TMEM135: variants seen among roughly 807,000 people sequenced by gnomAD.
The protein encoded by TMEM135 is transmembrane protein 135, also known as peroxisomal membrane protein 52.
In TMEM135, 30 loss-of-function variants were observed where a neutral mutation model predicts 60.3. That is an observed-to-expected ratio of 0.50 (90% CI 0.37 to 0.68). The LOEUF is 0.68. TMEM135 is among the 30% of genes least tolerant of loss of function. TMEM135 has a pLI of 0.00. For synonymous variants in TMEM135, 190 were observed against 186.7 expected (o/e 1.02, Z -0.14); for missense variants, 468 against 548.8 (o/e 0.85, Z 1.47).
intron 5 of TMEM135, among the ~76,000 whole-genome samples, chr11:87,164,036 A>G (rs1056755310): frequency 2.1e-5 from 3 of 139,656 alleles, no homozygotes; most frequent in African/African-American, 5.4e-5. Flanking sequence ...GAAGCTCTTT[A>G]GTTTAATCAG....
chr11:87,285,544 C>T (rs557918074), intron 6 of TMEM135, among the ~76,000 whole-genome samples: 18 of 152,066 alleles, frequency 1.2e-4, no homozygotes, highest in African/African-American at 2.4e-4. Flanking sequence ...TGGAGTTGTT[C>T]GTTCCTCCCA....
intron 10 of TMEM135, among the ~76,000 whole-genome samples, chr11:87,310,747 G>A (rs1039140751): frequency 6.6e-5 from 10 of 151,852 alleles, no homozygotes; most frequent in African/African-American, 9.7e-5. Flanking sequence ...TGAGCATACC[G>A]TGATCTTTGA....
chr11:87,232,122 T>C (rs148147809), intron 5 of TMEM135, among the ~76,000 whole-genome samples: 3,193 of 152,224 alleles, frequency 0.021, 34 homozygotes, highest in South Asian at 0.032. Context: ...GACTAATTTT[T>C]GTATTTTTAG....
At chr11:87,187,542 C>G (rs779321263) in intron 5 of TMEM135, among the ~76,000 whole-genome samples, 1 of 152,164 alleles carries the variant, frequency 6.6e-6, no homozygotes, top group African/African-American at 2.4e-5. Flanking sequence ...ACCACACTCT[C>G]TTTGTGCCCT....
intron 4 of TMEM135, chr11:87,121,289 A>G (rs945889515): frequency 8.5e-5 from 13 of 152,276 alleles, no homozygotes; most frequent in South Asian, 2.1e-4. Context: ...TTGTACACCT[A>G]TGTACCAGTT....
chr11:87,236,812 C>A, intron 6 of TMEM135, 128 bp downstream of exon 6: 1 of 844,576 alleles, frequency 1.2e-6, no homozygotes, highest in Non-Finnish European at 2.0e-6. Flanking sequence ...CCCGCACCCC[C>A]GCCCAGAGTG....
chr11:87,092,652 G>A (rs1857235076), intron 4 of TMEM135, among the ~76,000 whole-genome samples: 1 of 152,150 alleles, frequency 6.6e-6, no homozygotes, highest in Non-Finnish European at 1.5e-5. Flanking sequence ...TTACTAGGAT[G>A]TAAGCTTTTG....
Position 87,059,773 on chromosome 11 carries a change from T to G in TMEM135, c.142-7921T>G, listed in dbSNP as rs1424254955. On this transcript the variant is annotated intron_variant, in intron 1 of 14. Coordinates refer to ENST00000305494, the MANE Select transcript of TMEM135 (RefSeq NM_022918.4). Reference sequence around the variant, plus strand: ...AAAATGCCTACTATGTGCTAGTTACTCTGCTAAATACTTTATATTTGTTAT... The same window carrying G: ...AAAATGCCTACTATGTGCTAGTTACGCTGCTAAATACTTTATATTTGTTAT... Among the ~76,000 whole-genome samples the G allele has an allele frequency of 2.6e-5, 4 of 152,244 alleles. 1 individual carries two copies. Among genetic ancestry groups the G allele is most frequent in the Admixed American group, 2.6e-4 (4 of 15,284 alleles).
At chr11:87,096,192 T>C in intron 4 of TMEM135, 1 of 311,816 alleles carries the variant, frequency 3.2e-6, no homozygotes, top group Non-Finnish European at 6.4e-6. Context: ...TTTTTATCCG[T>C]TAAACTCTTC....
rs547357682 is a variant in TMEM135, at chr11:87,222,308, A to C, written c.463-14330A>C. ...TCAGGAGATCGAGACCATCCTGGCT[A>C]ACACGGTGAAACCCCGTCTCTACTA... On this transcript the variant is annotated intron_variant, in intron 5 of 14. Coordinates refer to ENST00000305494, the MANE Select transcript of TMEM135 (RefSeq NM_022918.4). Among the ~76,000 whole-genome samples, 3 of 148,844 alleles carry C rather than the reference A, an allele frequency of 2.0e-5. No homozygotes were observed. The East Asian group carries it at 5.9e-4, about 29-fold the overall frequency.
At chr11:87,268,237 C>A (rs1276040220) in intron 6 of TMEM135, among the ~76,000 whole-genome samples, 1 of 134,584 alleles carries the variant, frequency 7.4e-6, no homozygotes, top group Non-Finnish European at 1.6e-5. Flanking sequence ...CTCAGGCAGG[C>A]ACCCTCACCA....
intron 4 of TMEM135, among the ~76,000 whole-genome samples, chr11:87,130,120 T>TA (rs1937876207): frequency 7.6e-5 from 10 of 132,126 alleles, no homozygotes; most frequent in Non-Finnish European, 9.6e-5. Context: ...AAGTACATTT[T>TA]TAAAAAAAAA....
intron 3 of TMEM135, among the ~76,000 whole-genome samples, chr11:87,077,127 T>C (rs1281512974): frequency 6.6e-6 from 1 of 152,250 alleles, no homozygotes; most frequent in African/African-American, 2.4e-5. Flanking sequence ...ACTATCCCTT[T>C]GTAGTTGCAC....
intron 11 of TMEM135, 55 bp from the exon 12 acceptor site, chr11:87,314,413 CATA>C: frequency 7.1e-7 from 1 of 1,406,142 alleles, no homozygotes; most frequent in Non-Finnish European, 1.0e-6. Flanking sequence ...TTTCTGATGA[CATA>C]ATAACAAATA....
intron 4 of TMEM135, among the ~76,000 whole-genome samples, chr11:87,115,287 C>G (rs1286393016): frequency 6.6e-6 from 1 of 152,066 alleles, no homozygotes; most frequent in Non-Finnish European, 1.5e-5. Context: ...AATAATTAAA[C>G]CAAAATTCTA....
intron 1 of TMEM135, among the ~76,000 whole-genome samples, chr11:87,053,833 C>G (rs981811282): frequency 6.6e-6 from 1 of 152,098 alleles, no homozygotes; most frequent in African/African-American, 2.4e-5. Context: ...TTTAAATTGC[C>G]TTTTAATTAC....
chr11:87,054,487 T>C (rs1177585465), intron 1 of TMEM135, among the ~76,000 whole-genome samples: 1 of 151,992 alleles, frequency 6.6e-6, no homozygotes, highest in African/African-American at 2.4e-5. Flanking sequence ...CCTTAAATAA[T>C]TTATATGTGA....
At chr11:87,292,510 C>A (rs926378460) in intron 6 of TMEM135, among the ~76,000 whole-genome samples, 4 of 152,132 alleles carry the variant, frequency 2.6e-5, no homozygotes, top group South Asian at 2.1e-4. Flanking sequence ...TAATGAGGAA[C>A]CTTCAAATGG....
intron 5 of TMEM135, among the ~76,000 whole-genome samples, chr11:87,185,443 C>T (rs1729174426): frequency 6.6e-6 from 1 of 152,064 alleles, no homozygotes; most frequent in South Asian, 2.1e-4. Context: ...GGTATTCTTT[C>T]TTGGTTCTCT....
Sources: gnomAD v4.1 joint callset for allele counts (sites outside exome capture counted in the v4.1 genomes callset) on GRCh38, gnomAD v4.1.1 for gene constraint, MANE v1.5 for transcripts, NCBI Gene and HGNC (gene_info 2026-07-23, HGNC 2026-07-21) for gene names.